CAST: variants seen among roughly 807,000 people sequenced by gnomAD.
CAST encodes MIR583 host.
Under a neutral mutation model 119.6 loss-of-function variants are expected in CAST, and 76 were observed. The observed-to-expected ratio is 0.64, with a 90% CI of 0.53 to 0.77. The LOEUF is 0.77. CAST is among the 30% of genes least tolerant of loss of function. CAST has a pLI of 0.00. For synonymous variants in CAST, 319 were observed against 331.6 expected (o/e 0.96, Z 0.41); for missense variants, 953 against 946.5 (o/e 1.01, Z -0.09).
the CAST span, among the ~76,000 whole-genome samples, chr5:96,448,000 G>C: frequency 6.6e-6 from 1 of 151,232 alleles, no homozygotes; most frequent in African/African-American, 2.4e-5. Context: ...ATTCTGGATG[G>C]AACTCTCATA....
chr5:96,421,993 TAAAAAAAA>T, the CAST span: 54,937 of 353,494 alleles, frequency 0.16, 1,567 homozygotes, highest in Non-Finnish European at 0.18. Flanking sequence ...GTGGCAGCAT[TAAAAAAAA>T]AAAAAAAAAA....
At chr5:96,735,691 G>T (rs542388683) in intron 9 of CAST, among the ~76,000 whole-genome samples, 36 of 152,218 alleles carry the variant, frequency 2.4e-4, no homozygotes, top group Non-Finnish European at 4.6e-4. Flanking sequence ...TGCAGTCTTT[G>T]ATAGAGCAAT....
chr5:96,765,971 T>C (rs1221509516), intron 26 of CAST, 82 bp from the exon 27 acceptor site: 1 of 808,846 alleles, frequency 1.2e-6, no homozygotes, highest in Non-Finnish European at 2.1e-6. Context: ...GTACAACAAA[T>C]GCTGAATGCT....
At chr5:96,006,753 A>G in the CAST span, among the ~76,000 whole-genome samples, 1 of 152,240 alleles carries the variant, frequency 6.6e-6, no homozygotes, top group Non-Finnish European at 1.5e-5. Context: ...GCGAATGTAC[A>G]GTGCTTGGAC....
chr5:96,561,568 G>T (rs552354259), intron 1 of CAST, among the ~76,000 whole-genome samples: 67 of 151,642 alleles, frequency 4.4e-4, no homozygotes, highest in South Asian at 1.9e-3. Context: ...TGTTGGGGGT[G>T]GGGAGGTAGG....
chr5:96,412,400 C>G, the CAST span: 1 of 1,614,086 alleles, frequency 6.2e-7, no homozygotes, highest in Non-Finnish European at 8.5e-7. Flanking sequence ...AGGGCCCCAG[C>G]TTGCACTGTA....
intron 1 of CAST, among the ~76,000 whole-genome samples, chr5:96,647,909 G>T (rs1041461436): frequency 6.6e-6 from 1 of 152,176 alleles, no homozygotes; most frequent in Middle Eastern, 3.2e-3. Flanking sequence ...CTCTGGATGG[G>T]AAATAATTGG....
At chr5:96,583,306 T>C (rs1249863472) in intron 1 of CAST, among the ~76,000 whole-genome samples, 1 of 152,136 alleles carries the variant, frequency 6.6e-6, no homozygotes, top group African/African-American at 2.4e-5. Context: ...AGGTTTAATA[T>C]GATTACTTGC....
At chr5:96,132,609 C>T in the CAST span, among the ~76,000 whole-genome samples, 1 of 152,132 alleles carries the variant, frequency 6.6e-6, no homozygotes, top group Non-Finnish European at 1.5e-5. Context: ...CTCTCTACCT[C>T]TATGAGATCT....
chr5:96,538,254 T>G (rs1745853651), intron 1 of CAST, among the ~76,000 whole-genome samples: 1 of 152,168 alleles, frequency 6.6e-6, no homozygotes, highest in Non-Finnish European at 1.5e-5. Context: ...AGGGATACAA[T>G]TACCAGTTAA....
chr5:96,207,388 G>T, the CAST span, among the ~76,000 whole-genome samples: 1 of 151,850 alleles, frequency 6.6e-6, no homozygotes, highest in African/African-American at 2.4e-5. Context: ...CTGTTGTCAA[G>T]GGGAATACTT....
chr5:96,512,929 A>G, the CAST span, among the ~76,000 whole-genome samples: 3 of 152,252 alleles, frequency 2.0e-5, no homozygotes, highest in East Asian at 5.8e-4. Context: ...GACATAATAC[A>G]TAATGGCTAT....
the CAST span, among the ~76,000 whole-genome samples, chr5:96,233,346 A>G: frequency 6.6e-6 from 1 of 152,114 alleles, no homozygotes; most frequent in Non-Finnish European, 1.5e-5. Flanking sequence ...TTTTAGCTGT[A>G]TCTAGAACAC....
chr5:96,394,616 G>A, the CAST span, among the ~76,000 whole-genome samples: 3 of 152,098 alleles, frequency 2.0e-5, no homozygotes, highest in African/African-American at 7.2e-5. Context: ...GTCATAAGTG[G>A]AGAAAATTCA....
the CAST span, among the ~76,000 whole-genome samples, chr5:96,049,350 C>T: frequency 2.0e-5 from 3 of 152,136 alleles, no homozygotes; most frequent in Non-Finnish European, 4.4e-5. Context: ...TGGGCAATAA[C>T]ACCTCCTGGC....
chr5:96,160,497 C>G, the CAST span, among the ~76,000 whole-genome samples: 1 of 152,052 alleles, frequency 6.6e-6, no homozygotes, highest in Non-Finnish European at 1.5e-5. Flanking sequence ...AACATTTTGT[C>G]TATTCATTCA....
At chr5:96,588,897 T>C (rs1746911567) in intron 1 of CAST, among the ~76,000 whole-genome samples, 1 of 152,230 alleles carries the variant, frequency 6.6e-6, no homozygotes, top group Non-Finnish European at 1.5e-5. Flanking sequence ...GGAAGAAGAC[T>C]GCCATATATT....
the CAST span, among the ~76,000 whole-genome samples, chr5:96,469,673 A>G: frequency 7.2e-5 from 11 of 151,946 alleles, no homozygotes; most frequent in Admixed American, 3.9e-4. Context: ...TAATGCACAC[A>G]TACGTATATG....
chr5:96,302,131 C>T, the CAST span, among the ~76,000 whole-genome samples: 8 of 152,292 alleles, frequency 5.3e-5, no homozygotes, highest in Middle Eastern at 3.4e-3. Flanking sequence ...CTTAATACCA[C>T]GTGGAAGCCC....
Sources: allele counts gnomAD v4.1 joint callset (sites outside exome capture counted in the v4.1 genomes callset), GRCh38; gene constraint gnomAD v4.1.1; transcripts MANE v1.5; gene names NCBI Gene and HGNC (gene_info 2026-07-23, HGNC 2026-07-21).